Variants in ZMYM2 observed in about 807,000 individuals in gnomAD.
The protein encoded by ZMYM2 is zinc finger MYM-type protein 2.
ZMYM2 carries 56 observed loss-of-function variants against 162.8 expected under a neutral mutation model. That is an observed-to-expected ratio of 0.34 (90% confidence interval 0.28 to 0.43). The LOEUF is 0.43. Among genes scored for constraint, ZMYM2 ranks in the 20% least tolerant of loss-of-function variants. The pLI, the probability that ZMYM2 is intolerant of heterozygous loss-of-function variation, is 1.00. For missense variants in ZMYM2, 1,275 were observed against 1,621.8 expected, an observed-to-expected ratio of 0.79 and a Z score of 3.67; for synonymous variants, 510 against 541.6, an observed-to-expected ratio of 0.94 and a Z score of 0.81.
chr13:19,876,803 C>T, the ZMYM2 span, among the ~76,000 whole-genome samples: 1 of 152,150 alleles, frequency 6.6e-6, no homozygotes, highest in Non-Finnish European at 1.5e-5. Context: ...GACAATAACT[C>T]CCCATTTCCC....
At chr13:20,021,038 T>C (rs1952042689) in intron 7 of ZMYM2, among the ~76,000 whole-genome samples, 1 of 151,788 alleles carries the variant, frequency 6.6e-6, no homozygotes, top group African/African-American at 2.4e-5. Flanking sequence ...TGCAGTGGCG[T>C]GATCTCTGCT....
intron 19 of ZMYM2, among the ~76,000 whole-genome samples, chr13:20,066,324 A>G: frequency 6.6e-6 from 1 of 152,134 alleles, no homozygotes; most frequent in Non-Finnish European, 1.5e-5. Context: ...TGACTCCCTA[A>G]AAAGTTAAGT....
Position 19,962,496 on chromosome 13 carries a change from G to GATAT in ZMYM2, c.-11+2487_-11+2490dup, listed in dbSNP as rs199575840. 4.1e-3 allele frequency among the ~76,000 whole-genome samples: 349 copies of GATAT among 84,818 alleles called. 7 individuals are homozygous for GATAT. Among genetic ancestry groups the GATAT allele is most frequent in the African/African-American group, 0.013 (216 of 16,470 alleles). The allele number at this position is 84,818 out of a possible 152,430, so 55.6% of individuals were successfully genotyped here. On this transcript the variant is annotated intron_variant, in intron 2 of 24. Coordinates refer to ENST00000610343, the MANE Select transcript of ZMYM2 (RefSeq NM_197968.4). ...AGACTGGGCTATTCAAATTGCATGG[G>GATAT]ATATATATATATATATATATTTTTT...
chr13:20,034,150 A>T, intron 10 of ZMYM2, 104 bp from the exon 11 acceptor site: 2 of 1,069,160 alleles, frequency 1.9e-6, no homozygotes, highest in Non-Finnish European at 2.5e-6. Flanking sequence ...CAAGGGTCTT[A>T]ACATTAAATA....
chr13:19,970,127 G>T (rs939284014), intron 2 of ZMYM2: 1 of 936,846 alleles, frequency 1.1e-6, no homozygotes, highest in Non-Finnish European at 1.3e-6. Flanking sequence ...TGGAAAATTT[G>T]TTATCAAAAA....
the ZMYM2 span, among the ~76,000 whole-genome samples, chr13:19,884,042 G>GC: frequency 6.6e-6 from 1 of 152,168 alleles, no homozygotes; most frequent in South Asian, 2.1e-4. Context: ...ACAGGCATGA[G>GC]CCCCCGGGCG....
chr13:19,985,341 C>T (rs1234919184), intron 2 of ZMYM2, among the ~76,000 whole-genome samples: 10 of 152,122 alleles, frequency 6.6e-5, no homozygotes, highest in Admixed American at 6.6e-4. Context: ...CAGGGCTGGT[C>T]TCTAACTCCT....
chr13:19,975,861 A>ATGT (rs71198946), intron 2 of ZMYM2, among the ~76,000 whole-genome samples: 1 of 146,890 alleles, frequency 6.8e-6, no homozygotes, highest in Non-Finnish European at 1.5e-5. Flanking sequence ...CCATTTTTAA[A>ATGT]ATGTATGTAT....
intron 12 of ZMYM2, among the ~76,000 whole-genome samples, chr13:20,043,217 A>G (rs1954435250): frequency 6.6e-6 from 1 of 152,188 alleles, no homozygotes; most frequent in Non-Finnish European, 1.5e-5. Context: ...GAGCGCAGGT[A>G]TCCACTGTGC....
the ZMYM2 span, among the ~76,000 whole-genome samples, chr13:19,940,382 A>G: frequency 6.6e-6 from 1 of 152,240 alleles, no homozygotes; most frequent in Non-Finnish European, 1.5e-5. Context: ...CATAGTTTAC[A>G]GTTAATTCAG....
At chr13:19,978,298 C>T (rs1165386058) in intron 2 of ZMYM2, among the ~76,000 whole-genome samples, 4 of 152,214 alleles carry the variant, frequency 2.6e-5, no homozygotes, top group Admixed American at 2.6e-4. Context: ...AACTTGGTTT[C>T]AGAAGTATAC....
At chr13:20,022,127 T>G (rs1404789550) in intron 7 of ZMYM2, among the ~76,000 whole-genome samples, 4 of 152,184 alleles carry the variant, frequency 2.6e-5, no homozygotes, top group South Asian at 2.1e-4. Context: ...CATTGTTTTT[T>G]TGTGTGTGTG....
chr13:19,883,483 G>C, the ZMYM2 span, among the ~76,000 whole-genome samples: 10 of 152,252 alleles, frequency 6.6e-5, no homozygotes, highest in Middle Eastern at 3.4e-3. Flanking sequence ...ATTAGACAAC[G>C]TGTAAAATAA....
At position 19,993,300 on chromosome 13, in the gene ZMYM2, A is replaced by G. The variant is rs374584619; in HGVS notation, c.228A>G (p.Val76=). The G allele has an allele frequency of 6.2e-7, 1 of 1,613,972 alleles. No homozygotes were observed. The highest frequency in any genetic ancestry group is 8.5e-7 in the Non-Finnish European group (1 of 1,179,870). ...CTCCCCCACCTTCTGTACCAGTGGT[A>G]GCTGATCAAAGAACCATAACATTTA... is the stretch of plus-strand genomic sequence containing the variant. ...VQPPPPSVPV[V]ADQRTITFTS... is the part of the protein sequence containing the mutation. The change falls in exon 3 of 25, where the codon GTA becomes GTG. Residue 76 remains valine, a synonymous_variant. Transcript: ENST00000610343.
At chr13:19,869,504 C>T in the ZMYM2 span, among the ~76,000 whole-genome samples, 24 of 152,140 alleles carry the variant, frequency 1.6e-4, no homozygotes, top group Non-Finnish European at 2.8e-4. Flanking sequence ...AAAATTAGTA[C>T]TGGCTGGGCG....
intron 2 of ZMYM2, among the ~76,000 whole-genome samples, chr13:19,975,144 AT>A (rs1313608644): frequency 3.5e-5 from 5 of 143,548 alleles, no homozygotes; most frequent in South Asian, 4.4e-4. Flanking sequence ...TGTTTTTGGT[AT>A]TTTTTTCCCC....
At chr13:19,872,999 C>CA in the ZMYM2 span, among the ~76,000 whole-genome samples, 102,324 of 150,240 alleles carry the variant, frequency 0.68, 37,441 homozygotes, top group East Asian at 0.88. Context: ...GACTCTACCC[C>CA]AAAAAAAAAT....
rs568542633 is a variant in ZMYM2, at chr13:19,965,163, A to G, written c.-11+5137A>G. On this transcript the variant is annotated intron_variant, in intron 2 of 24. Coordinates refer to ENST00000610343, the MANE Select transcript of ZMYM2 (RefSeq NM_197968.4). ...TGCACAGTTAGAAGTTGCAGACAGA[A>G]TAATGTTTGTAAAATGTGACTATAA... 42 of 1,041,894 alleles carry G rather than the reference A, an allele frequency of 4.0e-5. No homozygotes were observed. In the African/African-American group the frequency reaches 6.6e-4, roughly 16 times the overall value. 64.5% of individuals were successfully genotyped at this position (1,041,894 alleles called of 1,614,324 possible).
At position 20,088,675 on chromosome 13, in the gene ZMYM2, T is replaced by C. The variant is rs1228973555; in HGVS notation, c.*2661T>C. 1 of 195,052 alleles carries C rather than the reference T, an allele frequency of 5.1e-6. No homozygotes were observed. The highest frequency in any genetic ancestry group is 1.1e-5 in the Non-Finnish European group (1 of 93,722). 12.1% of individuals were successfully genotyped at this position (195,052 alleles called of 1,614,324 possible). ...GCTTAAATAGTAACTCATGGTTTTCTTTTATTAAATGGGGTTGTTGTCAGT... is the reference window on the plus strand; with the variant it reads ...GCTTAAATAGTAACTCATGGTTTTCCTTTATTAAATGGGGTTGTTGTCAGT... On this transcript the variant is annotated 3_prime_UTR_variant, in exon 25 of 25. Transcript: ENST00000610343.
Sources: allele counts gnomAD v4.1 joint callset (sites outside exome capture counted in the v4.1 genomes callset), GRCh38; gene constraint gnomAD v4.1.1; transcripts MANE v1.5; gene names NCBI Gene and HGNC (gene_info 2026-07-23, HGNC 2026-07-21).